Variants in SMARCB1 observed in about 807,000 individuals in gnomAD.
SMARCB1 encodes the protein SWI/SNF-related matrix-associated actin-dependent regulator of chromatin subfamily B member 1.
In SMARCB1, 5 loss-of-function variants were observed where a neutral mutation model predicts 49.0. The ratio of observed to expected loss-of-function variants is 0.10; its 90% CI spans 0.05 to 0.21. SMARCB1 has a LOEUF of 0.21. SMARCB1 is among the 10% of genes least tolerant of loss of function. The pLI, the probability that SMARCB1 is intolerant of heterozygous loss-of-function variation, is 1.00. For synonymous variants in SMARCB1, 201 were observed against 200.1 expected, an observed-to-expected ratio of 1.00 and a Z score of -0.04; for missense variants, 226 against 509.2, an observed-to-expected ratio of 0.44 and a Z score of 5.35.
At chr22:23,795,142 A>G (rs1011856101) in intron 3 of SMARCB1, among the ~76,000 whole-genome samples, 1 of 151,972 alleles carries the variant, frequency 6.6e-6, no homozygotes, top group Non-Finnish European at 1.5e-5. Flanking sequence ...CAAGCATAAG[A>G]CTGGGCATGG....
Position 23,835,164 on chromosome 22 carries a change from G to T in SMARCB1, c.*984G>T. The T allele has an allele frequency of 5.4e-6, 7 of 1,308,396 alleles. No individual in the cohort carries two copies. The highest frequency in any genetic ancestry group is 6.8e-6 in the Non-Finnish European group (7 of 1,031,450). The allele number at this position is 1,308,396 out of a possible 1,614,324, so 81.0% of individuals were successfully genotyped here. ...TGGAGTTGACACGGTACAGGGAGGA[G>T]ACACAGCCCAGGGTCCCTTCCCAGC... On this transcript the variant is annotated 3_prime_UTR_variant, in exon 9 of 9. Transcript: ENST00000644036.
chr22:23,831,717 G>C (rs769053032), intron 7 of SMARCB1, among the ~76,000 whole-genome samples: 7 of 152,348 alleles, frequency 4.6e-5, no homozygotes, highest in Non-Finnish European at 8.8e-5. Context: ...AGGAAAACAT[G>C]TTTTGCTCCC....
chr22:23,835,374 G>A lies in SMARCB1; in HGVS notation c.*1194G>A. 2 of 990,364 alleles carry A rather than the reference G, an allele frequency of 2.0e-6. No homozygotes were observed. The highest frequency in any genetic ancestry group is 9.4e-5 in the South Asian group (2 of 21,346). The allele number at this position is 990,364 out of a possible 1,614,324, so 61.3% of individuals were successfully genotyped here. On this transcript the variant is annotated 3_prime_UTR_variant, in exon 9 of 9. Coordinates refer to ENST00000644036, the MANE Select transcript of SMARCB1 (RefSeq NM_003073.5). ...CAGACTGCTGCCACCCTCAGCTGTT[G>A]GCAGGTCCCATGCTGCCAGGGCAGG...
intron 2 of SMARCB1, chr22:23,792,636 C>T (rs565715308): frequency 4.0e-4 from 64 of 159,408 alleles, no homozygotes; most frequent in Admixed American, 2.2e-3. Flanking sequence ...CGCGATGCTT[C>T]GTAGTCTGCC....
chr22:23,837,180 G>A lies in SMARCB1; in HGVS notation c.*3000G>A. On this transcript the variant is annotated 3_prime_UTR_variant, in exon 9 of 9. Transcript: ENST00000644036. ...CTGTGAGACAGCCACGGACTGTGGG[G>A]TCACCCTCCACAGCCCAGAGTCCTA... 1 of 1,612,542 alleles carries A rather than the reference G, an allele frequency of 6.2e-7. No homozygotes were observed. The highest frequency in any genetic ancestry group is 1.1e-5 in the South Asian group (1 of 90,876).
intron 7 of SMARCB1, among the ~76,000 whole-genome samples, chr22:23,828,939 CAG>C (rs761814557): frequency 2.9e-4 from 44 of 152,192 alleles, no homozygotes; most frequent in African/African-American, 2.4e-4. Flanking sequence ...GAAGGGGAAA[CAG>C]GGGCATGTGA....
chr22:23,790,833 C>G (rs1928333624), intron 1 of SMARCB1, among the ~76,000 whole-genome samples: 1 of 151,726 alleles, frequency 6.6e-6, no homozygotes, highest in Non-Finnish European at 1.5e-5. Context: ...GGTGACAGAG[C>G]GAGACCCTGT....
At chr22:23,804,237 T>C (rs1929353899) in intron 5 of SMARCB1, 1 of 152,082 alleles carries the variant, frequency 6.6e-6, no homozygotes, top group Admixed American at 6.6e-5. Flanking sequence ...AGAGTCCCAC[T>C]CTGTTGCCCA....
At chr22:23,814,024 A>T (rs5760048) in intron 5 of SMARCB1, among the ~76,000 whole-genome samples, 141,935 of 152,082 alleles carry the variant, frequency 0.93, 66,420 homozygotes, top group African/African-American at 0.98. Flanking sequence ...GAGACAGGGT[A>T]TTACCATGTT....
chr22:23,834,930 C>A lies in SMARCB1; in HGVS notation c.*750C>A. 3 of 1,607,800 alleles carry A rather than the reference C, an allele frequency of 1.9e-6. No individual in the cohort carries two copies. Among genetic ancestry groups the A allele is most frequent in the Non-Finnish European group, 1.7e-6 (2 of 1,178,500 alleles). ...AGCTGGGGCCTTGCTGCTCTGAAGT[C>A]CCCTGCGGAGGGCCCAGTCCTGTGT... On this transcript the variant is annotated 3_prime_UTR_variant, in exon 9 of 9. Coordinates refer to ENST00000644036, the MANE Select transcript of SMARCB1 (RefSeq NM_003073.5).
chr22:23,795,789 CTT>C (rs1237100249), intron 3 of SMARCB1, among the ~76,000 whole-genome samples: 18 of 133,932 alleles, frequency 1.3e-4, no homozygotes, highest in Non-Finnish European at 1.3e-4. Flanking sequence ...GCTGGAGGTG[CTT>C]TTTTTTTTTT....
chr22:23,835,580 A>G lies in SMARCB1; in HGVS notation c.*1400A>G. 1 of 985,500 alleles carries G rather than the reference A, an allele frequency of 1.0e-6. No individual in the cohort carries two copies. The highest frequency in any genetic ancestry group is 1.2e-6 in the Non-Finnish European group (1 of 829,954). 61.0% of individuals were successfully genotyped at this position (985,500 alleles called of 1,614,324 possible). A position where few individuals can be genotyped will look rare whatever the true frequency, so the allele number is the denominator to read the frequency against. ...TTTGCACTCAGGGCCTCTGCCCTCC[A>G]TCAAAGAGTGGAACTCCCCAGAGCC... On this transcript the variant is annotated 3_prime_UTR_variant, in exon 9 of 9. Coordinates refer to ENST00000644036, the MANE Select transcript of SMARCB1 (RefSeq NM_003073.5).
chr22:23,801,596 C>T lies in SMARCB1; in HGVS notation c.500+515C>T, dbSNP rs1341711980. 6 of 348,360 alleles carry T rather than the reference C, an allele frequency of 1.7e-5. No individual in the cohort carries two copies. The East Asian group carries it at 2.2e-4, about 13-fold the overall frequency. 21.6% of individuals were successfully genotyped at this position (348,360 alleles called of 1,614,324 possible). On this transcript the variant is annotated intron_variant, in intron 4 of 8. Coordinates refer to ENST00000644036, the MANE Select transcript of SMARCB1 (RefSeq NM_003073.5). ...ATGCTCCCTCCAGAGGCCATCGAGG[C>T]GATTCGGTCCTTGCTTCTTCCAGCT...
At chr22:23,798,017 G>A (rs745497876) in intron 3 of SMARCB1, among the ~76,000 whole-genome samples, 2 of 152,214 alleles carry the variant, frequency 1.3e-5, no homozygotes, top group Non-Finnish European at 2.9e-5. Flanking sequence ...TTGTCCACTT[G>A]AGTTGATAGC....
intron 7 of SMARCB1, among the ~76,000 whole-genome samples, chr22:23,829,217 A>T (rs6003898): frequency 6.6e-6 from 1 of 152,034 alleles, no homozygotes; most frequent in African/African-American, 2.4e-5. Context: ...CATGTGCATG[A>T]CTATCAGTGT....
rs765990218 is a variant in SMARCB1, at chr22:23,799,049, C to CA, written c.363-1876dup. On this transcript the variant is annotated intron_variant, in intron 3 of 8. Transcript: ENST00000644036. The stretch of plus-strand genomic sequence containing the variant: ...CAGGCGACAGAGCGAGACTCCATCT[C>CA]AAAAAAAAAAAAAAAAAAAGTTTGT... Among the ~76,000 whole-genome samples the CA allele has an allele frequency of 7.0e-3, 413 of 58,938 alleles. 2 individuals carry two copies. The highest frequency in any genetic ancestry group is 0.029 in the Middle Eastern group (2 of 70). The allele number at this position is 58,938 out of a possible 152,430, so 38.7% of individuals were successfully genotyped here.
intron 5 of SMARCB1, chr22:23,803,854 CTG>C (rs1450729040): frequency 2.4e-5 from 7 of 288,928 alleles, no homozygotes; most frequent in Non-Finnish European, 4.1e-5. Context: ...CATCCTCACT[CTG>C]TAAGTCCTGG....
chr22:23,832,012 G>A (rs1445219948), intron 7 of SMARCB1, among the ~76,000 whole-genome samples: 1 of 152,222 alleles, frequency 6.6e-6, no homozygotes, highest in South Asian at 2.1e-4. Context: ...CAGCTGTGAG[G>A]GGTCAGGCCT....
intron 2 of SMARCB1, chr22:23,792,242 C>G: frequency 2.8e-6 from 1 of 362,800 alleles, no homozygotes; most frequent in Non-Finnish European, 5.4e-6. Context: ...TTCCATGCAG[C>G]CCAAGTGGCG....
Sources: allele counts gnomAD v4.1 joint callset (sites outside exome capture counted in the v4.1 genomes callset), GRCh38; gene constraint gnomAD v4.1.1; transcripts MANE v1.5; gene names NCBI Gene and HGNC (gene_info 2026-07-23, HGNC 2026-07-21).